Variants in DLG2 observed in about 807,000 individuals in gnomAD.
DLG2 encodes the protein disks large homolog 2.
DLG2 carries 45 observed loss-of-function variants against 132.5 expected under a neutral mutation model. The ratio of observed to expected loss-of-function variants is 0.34; its 90% CI spans 0.27 to 0.44. DLG2 has a LOEUF of 0.44. Ranked by LOEUF, DLG2 falls within the 20% of genes least tolerant of loss-of-function variation. DLG2 has a pLI of 1.00. For synonymous variants in DLG2, 424 were observed against 419.6 expected (o/e 1.01, Z -0.13); for missense variants, 1,045 against 1,196.9 (o/e 0.87, Z 1.87).
intron 6 of DLG2, among the ~76,000 whole-genome samples, chr11:85,067,904 A>G (rs2065177215): frequency 6.6e-6 from 1 of 152,082 alleles, no homozygotes; most frequent in South Asian, 2.1e-4. Flanking sequence ...AATCTCCAAT[A>G]AAATACTGGC....
chr11:84,671,093 A>G (rs1187816992), intron 6 of DLG2, among the ~76,000 whole-genome samples: 4 of 149,850 alleles, frequency 2.7e-5, no homozygotes, highest in Non-Finnish European at 5.9e-5. Context: ...ACCGAGTACA[A>G]TAATTTTTTT....
chr11:85,175,695 A>T (rs1448064128), intron 4 of DLG2, among the ~76,000 whole-genome samples: 1 of 152,160 alleles, frequency 6.6e-6, no homozygotes, highest in African/African-American at 2.4e-5. Context: ...AGATGACATA[A>T]TTCTATATCT....
At chr11:84,672,538 T>C (rs2212490) in intron 6 of DLG2, among the ~76,000 whole-genome samples, 35,600 of 152,044 alleles carry the variant, frequency 0.23, 4,220 homozygotes, top group African/African-American at 0.27. Flanking sequence ...TTTCCATCCA[T>C]CCATTCATTG....
intron 6 of DLG2, among the ~76,000 whole-genome samples, chr11:84,696,958 G>T (rs1041577194): frequency 2.0e-5 from 3 of 151,204 alleles, no homozygotes; most frequent in African/African-American, 7.3e-5. Flanking sequence ...CACATTGAAG[G>T]GTTCAAAAAT....
intron 9 of DLG2, among the ~76,000 whole-genome samples, chr11:84,150,783 T>C (rs2095269217): frequency 6.6e-6 from 1 of 152,208 alleles, no homozygotes; most frequent in Non-Finnish European, 1.5e-5. Context: ...GTATGTTTCT[T>C]TGATGTCTAG....
chr11:85,515,519 G>T (rs1029893664), intron 3 of DLG2, among the ~76,000 whole-genome samples: 2 of 151,876 alleles, frequency 1.3e-5, no homozygotes, highest in Admixed American at 6.6e-5. Flanking sequence ...GAAAATTGAG[G>T]ATATTAATAG....
At chr11:84,517,871 C>T (rs1315304425) in intron 7 of DLG2, among the ~76,000 whole-genome samples, 3 of 151,960 alleles carry the variant, frequency 2.0e-5, no homozygotes, top group Admixed American at 6.6e-5. Context: ...ACCTGAAAGA[C>T]ATTTGGTTAA....
At chr11:85,445,719 C>T (rs753305016) in intron 3 of DLG2, among the ~76,000 whole-genome samples, 3 of 152,130 alleles carry the variant, frequency 2.0e-5, no homozygotes, top group Non-Finnish European at 4.4e-5. Context: ...TCAGAACAGG[C>T]ACACCTCATT....
chr11:84,914,611 T>A (rs1319318114), intron 6 of DLG2, among the ~76,000 whole-genome samples: 1 of 152,176 alleles, frequency 6.6e-6, no homozygotes, highest in Non-Finnish European at 1.5e-5. Context: ...CACACTCAAG[T>A]CAGGGGAACC....
At chr11:85,181,716 T>C (rs564821719) in intron 4 of DLG2, among the ~76,000 whole-genome samples, 1 of 151,958 alleles carries the variant, frequency 6.6e-6, no homozygotes, top group South Asian at 2.1e-4. Flanking sequence ...ACAGCCACTT[T>C]CTACATGAAA....
At position 85,446,904 on chromosome 11, in the gene DLG2, T is replaced by C. The variant is rs561972570; in HGVS notation, c.40+151753A>G. ...ATGAAAAACTTCTAAGAAAAAGCTT[T>C]GTATATCAAAGACAATAAATACATT... is the stretch of plus-strand genomic sequence containing the variant. On this transcript the variant is annotated intron_variant, in intron 3 of 27. Coordinates refer to ENST00000376104, the MANE Select transcript of DLG2 (RefSeq NM_001142699.3). 4.6e-5 allele frequency among the ~76,000 whole-genome samples: 7 copies of C among 152,274 alleles called. No individual in the cohort carries two copies. The South Asian group carries it at 1.4e-3, about 32-fold the overall frequency.
intron 17 of DLG2, among the ~76,000 whole-genome samples, chr11:83,810,084 A>G (rs930291127): frequency 1.3e-5 from 2 of 152,144 alleles, no homozygotes; most frequent in Admixed American, 6.6e-5. Context: ...AAGTGTGTGA[A>G]GGTATCTGTT....
At position 84,484,492 on chromosome 11, in the gene DLG2, A is replaced by G. The variant is rs898561076; in HGVS notation, c.519+50078T>C. Among the ~76,000 whole-genome samples, 31 of 152,182 alleles carry G rather than the reference A, an allele frequency of 2.0e-4. 1 individual carries two copies. The highest frequency in any genetic ancestry group is 2.1e-4 in the South Asian group (1 of 4,832). ...AGACACAGGTAAGCTGAGGGTTATC[A>G]TTTGGCTCCCTTTATAATTTCTGTA... is the stretch of plus-strand genomic sequence containing the variant. On this transcript the variant is annotated intron_variant, in intron 7 of 27. Coordinates refer to ENST00000376104, the MANE Select transcript of DLG2 (RefSeq NM_001142699.3).
At chr11:83,599,456 T>C (rs763650132) in intron 19 of DLG2, among the ~76,000 whole-genome samples, 31 of 152,198 alleles carry the variant, frequency 2.0e-4, no homozygotes, top group Non-Finnish European at 2.9e-4. Context: ...CTCCCTATCA[T>C]TGGTTTTCTA....
intron 3 of DLG2, among the ~76,000 whole-genome samples, chr11:85,477,436 C>T (rs892413999): frequency 1.2e-4 from 18 of 152,284 alleles, no homozygotes; most frequent in African/African-American, 4.3e-4. Context: ...AAGAAATGGT[C>T]AATGAACTTG....
intron 7 of DLG2, among the ~76,000 whole-genome samples, chr11:84,298,856 G>A (rs1389746255): frequency 6.6e-6 from 1 of 152,184 alleles, no homozygotes; most frequent in Non-Finnish European, 1.5e-5. Flanking sequence ...GTGAATAGTT[G>A]GGTGTGACCA....
At chr11:85,437,003 A>G (rs187785451) in intron 3 of DLG2, among the ~76,000 whole-genome samples, 165 of 152,330 alleles carry the variant, frequency 1.1e-3, no homozygotes, top group African/African-American at 3.7e-3. Flanking sequence ...CTTTGCAGGG[A>G]CATGGATGAA....
chr11:85,451,243 C>A (rs192983545), intron 3 of DLG2, among the ~76,000 whole-genome samples: 6 of 152,276 alleles, frequency 3.9e-5, no homozygotes. Flanking sequence ...ACAACCAAAC[C>A]ATTACCAAAT....
At chr11:84,708,935 CA>C (rs1464721632) in intron 6 of DLG2, among the ~76,000 whole-genome samples, 1 of 151,842 alleles carries the variant, frequency 6.6e-6, no homozygotes, top group Non-Finnish European at 1.5e-5. Context: ...ATATTTAAAA[CA>C]AAATTTTCTC....
Sources: allele counts gnomAD v4.1 joint callset (sites outside exome capture counted in the v4.1 genomes callset), GRCh38; gene constraint gnomAD v4.1.1; transcripts MANE v1.5; gene names NCBI Gene and HGNC (gene_info 2026-07-23, HGNC 2026-07-21).